Variants in CAPN7 observed in about 807,000 individuals in gnomAD.
CAPN7 encodes calpain 7.
A neutral mutation model predicts 115.2 loss-of-function variants in CAPN7; 72 were observed. The ratio of observed to expected loss-of-function variants is 0.63; its 90% CI spans 0.52 to 0.76. The LOEUF (loss-of-function observed/expected upper bound fraction) is 0.76, where lower values mean the gene tolerates loss of function less well. Among genes scored for constraint, CAPN7 ranks in the 30% least tolerant of loss-of-function variants. The pLI, the probability that CAPN7 is intolerant of heterozygous loss-of-function variation, is 0.00. For missense variants in CAPN7, 905 were observed against 971.5 expected (o/e 0.93, Z 0.91); for synonymous variants, 344 against 322.3 (o/e 1.07, Z -0.72).
chr3:15,242,004 A>G (rs1223620642), intron 15 of CAPN7, among the ~76,000 whole-genome samples, 174 bp from the exon 16 acceptor site: 8 of 152,216 alleles, frequency 5.3e-5, no homozygotes, highest in Non-Finnish European at 8.8e-5. Context: ...TAAAATGACA[A>G]TTTAATTCAG....
At chr3:15,250,847 A>G in intron 19 of CAPN7, 84 bp from the exon 20 acceptor site, 1 of 903,642 alleles carries the variant, frequency 1.1e-6, no homozygotes, top group Non-Finnish European at 1.8e-6. Context: ...ACTTAGTATG[A>G]CATCTGCACT....
chr3:15,233,794 A>T (rs1266702723), intron 10 of CAPN7, 73 bp from the exon 11 acceptor site: 2 of 781,954 alleles, frequency 2.6e-6, no homozygotes, highest in Non-Finnish European at 4.5e-6. Flanking sequence ...AATCAGTGAG[A>T]TGTAATAGCT....
chr3:15,247,491 G>T, intron 19 of CAPN7, 34 bp downstream of exon 19: 2 of 1,555,622 alleles, frequency 1.3e-6, no homozygotes, highest in Non-Finnish European at 1.7e-6. Context: ...AATTAATGAT[G>T]TTCTATTACA....
In CAPN7 at chr3:15,206,293, C is replaced by T. The variant is rs1003314759; in HGVS notation, c.-203C>T. ...TGGGGCGGCCGGGTGGGCTACAAGCCGGGTCTGGGCTGAGGGGCGCGGCTT... is the reference window on the plus strand; with the variant it reads ...TGGGGCGGCCGGGTGGGCTACAAGCTGGGTCTGGGCTGAGGGGCGCGGCTT... On this transcript the variant is annotated 5_prime_UTR_variant, in exon 1 of 21. Coordinates refer to ENST00000253693, the MANE Select transcript of CAPN7 (RefSeq NM_014296.3). The T allele has an allele frequency of 8.7e-6, 4 of 458,504 alleles. No homozygotes were observed. The highest frequency in any genetic ancestry group is 4.6e-5 in the Admixed American group (1 of 21,974). 28.4% of individuals were successfully genotyped at this position (458,504 alleles called of 1,614,324 possible).
intron 2 of CAPN7, 81 bp from the exon 3 acceptor site, chr3:15,217,344 A>G (rs909619471): frequency 2.5e-6 from 3 of 1,214,458 alleles, no homozygotes; most frequent in South Asian, 1.9e-5. Context: ...TTGGTAAAAA[A>G]TGTCTTAAAT....
intron 16 of CAPN7, among the ~76,000 whole-genome samples, chr3:15,244,492 A>G (rs1695542072): frequency 6.6e-6 from 1 of 152,244 alleles, no homozygotes; most frequent in Non-Finnish European, 1.5e-5. Context: ...ACCTTGTTCA[A>G]GATCCACAGA....
At chr3:15,219,612 A>G (rs940503706) in intron 4 of CAPN7, among the ~76,000 whole-genome samples, 1 of 152,212 alleles carries the variant, frequency 6.6e-6, no homozygotes, top group Non-Finnish European at 1.5e-5. Context: ...GGTGGGTGAG[A>G]TAGCCATGGG....
intron 6 of CAPN7, among the ~76,000 whole-genome samples, chr3:15,227,447 T>G (rs1031544660): frequency 6.6e-6 from 1 of 152,224 alleles, no homozygotes; most frequent in Non-Finnish European, 1.5e-5. Context: ...ATTATTAGCC[T>G]TGCCAAGTGG....
intron 4 of CAPN7, 95 bp from the exon 5 acceptor site, chr3:15,220,686 G>A: frequency 1.0e-6 from 1 of 985,694 alleles, no homozygotes; most frequent in Non-Finnish European, 1.6e-6. Flanking sequence ...TTACATTAGG[G>A]ATGCTTGACT....
chr3:15,239,816 C>T (rs1409927420), intron 12 of CAPN7, among the ~76,000 whole-genome samples: 2 of 152,142 alleles, frequency 1.3e-5, no homozygotes, highest in East Asian at 3.8e-4. Flanking sequence ...TTTATTCTGA[C>T]CCCAAAGTCC....
chr3:15,222,138 CTT>C (rs1322584174), intron 5 of CAPN7, among the ~76,000 whole-genome samples: 2 of 151,526 alleles, frequency 1.3e-5, no homozygotes, highest in Non-Finnish European at 2.9e-5. Context: ...CCATATGGCT[CTT>C]TACAGAAAAC....
At chr3:15,211,045 G>C (rs1455723586) in intron 1 of CAPN7, 4 of 583,354 alleles carry the variant, frequency 6.9e-6, no homozygotes, top group Non-Finnish European at 8.7e-6. Flanking sequence ...GGTCGTGGAA[G>C]TTATGGAATA....
At chr3:15,207,021 T>C (rs1435667371) in intron 1 of CAPN7, among the ~76,000 whole-genome samples, 1 of 152,260 alleles carries the variant, frequency 6.6e-6, no homozygotes, top group Non-Finnish European at 1.5e-5. Flanking sequence ...TGTCATAGCA[T>C]TTGACATACA....
rs563799900 is a variant in CAPN7 at position 15,220,799 on chromosome 3, G to A, written c.456G>A (p.Glu152=). 6.2e-7 allele frequency: 1 copy of A among 1,614,172 alleles called. No individual in the cohort carries two copies. The highest frequency in any genetic ancestry group is 1.3e-5 in the African/African-American group (1 of 75,064). Residue 152 remains glutamate, a synonymous_variant, in exon 5 of 21, where the codon GAG becomes GAA. Transcript: ENST00000253693. The part of the protein sequence containing the change: ...QALDRAEALS[E]PLTKPVGKIS... ...GTTATAGAGCAGAAGCGCTGAGTGA[G>A]CCTTTGACCAAGCCAGTTGGCAAAA...
chr3:15,213,792 G>T (rs956493163), intron 2 of CAPN7, among the ~76,000 whole-genome samples: 2 of 151,792 alleles, frequency 1.3e-5, no homozygotes, highest in Non-Finnish European at 2.9e-5. Flanking sequence ...TCTAAACATT[G>T]ATATATATGT....
Position 15,212,148 on chromosome 3 carries a change from C to G in CAPN7, c.147C>G (p.Ser49Arg). The change falls in exon 2 of 21, where the codon AGC becomes AGG. Residue 49 changes from serine to arginine, a missense_variant. Ser to Arg is a moderately radical substitution (Grantham distance 110). Transcript: ENST00000253693. ...TTTATGCTGAGATGGCAGGATCAAG[C>G]CTAGAAAATATTCAAGAAAAAATAA... ...ALIYAEMAGSSLENIQEKITE... is the reference protein window; with the variant it reads ...ALIYAEMAGSRLENIQEKITE... 6.2e-7 allele frequency: 1 copy of G among 1,611,150 alleles called. No individual in the cohort carries two copies. The highest frequency in any genetic ancestry group is 8.5e-7 in the Non-Finnish European group (1 of 1,178,368).
At chr3:15,223,818 C>T (rs183150729) in intron 6 of CAPN7, among the ~76,000 whole-genome samples, 8 of 152,114 alleles carry the variant, frequency 5.3e-5, no homozygotes, top group Non-Finnish European at 1.0e-4. Context: ...GTAAGTACTC[C>T]GTAAATATTT....
At chr3:15,234,389 C>T (rs983244097) in intron 11 of CAPN7, among the ~76,000 whole-genome samples, 14 of 151,992 alleles carry the variant, frequency 9.2e-5, no homozygotes, top group Non-Finnish European at 1.2e-4. Flanking sequence ...CAGAAGTTGT[C>T]GTTTTTAGTT....
chr3:15,228,677 A>G (rs1417254007), intron 7 of CAPN7, among the ~76,000 whole-genome samples: 1 of 152,198 alleles, frequency 6.6e-6, no homozygotes, highest in East Asian at 1.9e-4. Flanking sequence ...CTTAAAAGAA[A>G]GGAACAGCAG....
Sources: allele counts gnomAD v4.1 joint callset (sites outside exome capture counted in the v4.1 genomes callset), GRCh38; gene constraint gnomAD v4.1.1; transcripts MANE v1.5; gene names NCBI Gene and HGNC (gene_info 2026-07-23, HGNC 2026-07-21).